Variants in PROS1 observed in about 807,000 individuals in gnomAD.
PROS1 encodes the protein protein S.
Under a neutral mutation model 75.9 loss-of-function variants are expected in PROS1, and 29 were observed. The observed-to-expected ratio is 0.38, with a 90% CI of 0.28 to 0.52. The LOEUF is 0.52. PROS1 is among the 20% of genes least tolerant of loss of function. The pLI is 0.83. For synonymous variants in PROS1, 245 were observed against 280.6 expected (o/e 0.87, Z 1.27); for missense variants, 680 against 810.3 (o/e 0.84, Z 1.95).
At chr3:93,913,959 A>C (rs1708800321) in intron 3 of PROS1, among the ~76,000 whole-genome samples, 1 of 152,254 alleles carries the variant, frequency 6.6e-6, no homozygotes, top group Non-Finnish European at 1.5e-5. Flanking sequence ...AAAACCCATT[A>C]AGAAAAACAA....
chr3:93,881,556 C>CTTTTT (rs71105164), intron 12 of PROS1, among the ~76,000 whole-genome samples: 26 of 118,454 alleles, frequency 2.2e-4, no homozygotes, highest in South Asian at 5.4e-4. Flanking sequence ...GTAGTAAGCA[C>CTTTTT]TTTTTTTTTT....
intron 1 of PROS1, among the ~76,000 whole-genome samples, chr3:93,967,759 T>C (rs1709812835): frequency 6.6e-6 from 1 of 152,090 alleles, no homozygotes; most frequent in Admixed American, 6.6e-5. Flanking sequence ...TGTAATGGCA[T>C]GCACCTATAG....
intron 14 of PROS1, among the ~76,000 whole-genome samples, chr3:93,874,634 T>C (rs1230629689): frequency 5.3e-5 from 8 of 152,106 alleles, no homozygotes; most frequent in Admixed American, 5.2e-4. Flanking sequence ...ATAAACACAA[T>C]TAGTTCCATT....
chr3:93,970,497 G>A (rs921556032), intron 1 of PROS1, among the ~76,000 whole-genome samples: 19 of 151,870 alleles, frequency 1.3e-4, no homozygotes, highest in African/African-American at 2.4e-4. Context: ...CAACACATCC[G>A]GCTAATTTTT....
intron 4 of PROS1, 134 bp from the exon 5 acceptor site, chr3:93,906,277 C>A (rs1708674544): frequency 1.0e-6 from 1 of 981,794 alleles, no homozygotes; most frequent in Non-Finnish European, 1.5e-6. Context: ...TTAAATAATA[C>A]TTTTCCTAAA....
chr3:93,884,294 A>G (rs533048494), intron 12 of PROS1, among the ~76,000 whole-genome samples: 1 of 152,350 alleles, frequency 6.6e-6, no homozygotes, highest in South Asian at 2.1e-4. Flanking sequence ...TGATGAATAC[A>G]TTGAAAACTC....
At chr3:93,918,062 C>A (rs911098080) in intron 3 of PROS1, among the ~76,000 whole-genome samples, 1 of 152,160 alleles carries the variant, frequency 6.6e-6, no homozygotes, top group Admixed American at 6.5e-5. Context: ...TCTGGTGGGG[C>A]CTTGGAGAAC....
At chr3:93,912,928 G>A (rs549192053) in intron 3 of PROS1, among the ~76,000 whole-genome samples, 1 of 152,104 alleles carries the variant, frequency 6.6e-6, no homozygotes, top group Non-Finnish European at 1.5e-5. Flanking sequence ...CCTAGTATTT[G>A]CTCCAGCCCC....
chr3:93,903,501 C>A (rs1349138577), intron 6 of PROS1, among the ~76,000 whole-genome samples: 1 of 151,998 alleles, frequency 6.6e-6, no homozygotes, highest in Non-Finnish European at 1.5e-5. Context: ...CCATCTGTCT[C>A]TGTACAAAAG....
chr3:93,899,987 G>T (rs1282280922), intron 7 of PROS1, among the ~76,000 whole-genome samples: 1 of 152,068 alleles, frequency 6.6e-6, no homozygotes, highest in Non-Finnish European at 1.5e-5. Flanking sequence ...CATTATACAT[G>T]TGTGTGAATA....
intron 1 of PROS1, among the ~76,000 whole-genome samples, chr3:93,929,218 C>T (rs767283619): frequency 2.0e-5 from 3 of 152,176 alleles, no homozygotes; most frequent in Non-Finnish European, 4.4e-5. Flanking sequence ...TGGCTCATGC[C>T]TGTAATCCCA....
chr3:93,904,473 T>C (rs976977119), intron 6 of PROS1, among the ~76,000 whole-genome samples: 1 of 152,212 alleles, frequency 6.6e-6, no homozygotes, highest in African/African-American at 2.4e-5. Context: ...GTTTAAATAA[T>C]ATTATAGTAC....
chr3:93,928,952 T>C (rs1010697313), intron 1 of PROS1, among the ~76,000 whole-genome samples: 3 of 152,224 alleles, frequency 2.0e-5, no homozygotes, highest in African/African-American at 4.8e-5. Flanking sequence ...ATATCAATTA[T>C]TGGTGAGAGT....
chr3:93,973,720 C>T lies in PROS1; in HGVS notation c.30G>A (p.Ala10=), dbSNP rs1349806869. ...GCACTAGGAGGAGACACGCCAGCAG[C>T]GCCCCGCAGCGCCCACCCAGGACCC... MRVLGGRCG[A]LLACLLLVLP... is the part of the protein sequence containing the mutation. The change falls in exon 1 of 15, where the codon GCG becomes GCA. Residue 10 remains alanine, a synonymous_variant. Transcript: ENST00000394236. 2 of 1,613,774 alleles carry T rather than the reference C, an allele frequency of 1.2e-6. No individual in the cohort carries two copies. Among genetic ancestry groups the T allele is most frequent in the South Asian group, 2.2e-5 (2 of 91,056 alleles).
intron 1 of PROS1, among the ~76,000 whole-genome samples, chr3:93,936,861 T>C (rs1051527325): frequency 6.6e-6 from 1 of 152,164 alleles, no homozygotes; most frequent in Non-Finnish European, 1.5e-5. Flanking sequence ...AAAATGATAT[T>C]AAGATAAATG....
chr3:93,949,972 C>T (rs552672460), intron 1 of PROS1, among the ~76,000 whole-genome samples: 1 of 152,278 alleles, frequency 6.6e-6, no homozygotes, highest in Admixed American at 6.5e-5. Flanking sequence ...AAAATAGGGA[C>T]ACTCACACCC....
chr3:93,951,548 G>C (rs1051262291), intron 1 of PROS1, among the ~76,000 whole-genome samples: 1 of 152,166 alleles, frequency 6.6e-6, no homozygotes, highest in African/African-American at 2.4e-5. Flanking sequence ...TAAATGCTGA[G>C]AGATTTTGTC....
chr3:93,966,845 A>G (rs1709798707), intron 1 of PROS1, among the ~76,000 whole-genome samples: 1 of 152,042 alleles, frequency 6.6e-6, no homozygotes, highest in African/African-American at 2.4e-5. Flanking sequence ...GCAGCTCACA[A>G]TCAGCTTCAG....
At chr3:93,919,711 A>G (rs1260820286) in intron 3 of PROS1, among the ~76,000 whole-genome samples, 5 of 152,040 alleles carry the variant, frequency 3.3e-5, no homozygotes, top group African/African-American at 7.2e-5. Context: ...CTTTAATTTC[A>G]TGGTTTTATT....
Sources: gnomAD v4.1 joint callset for allele counts (sites outside exome capture counted in the v4.1 genomes callset) on GRCh38, gnomAD v4.1.1 for gene constraint, MANE v1.5 for transcripts, NCBI Gene and HGNC (gene_info 2026-07-23, HGNC 2026-07-21) for gene names.